Variants in CCDC178 observed in about 807,000 individuals in gnomAD.
CCDC178 encodes the protein coiled-coil domain containing 178, also known as coiled-coil domain-containing protein 178.
A neutral mutation model predicts 117.4 loss-of-function variants in CCDC178; 126 were observed. The ratio of observed to expected loss-of-function variants is 1.07; its 90% CI spans 0.93 to 1.24. CCDC178 has a LOEUF of 1.24. Among genes scored for constraint, CCDC178 ranks in the 50% most tolerant of loss-of-function variants. The probability of loss-of-function intolerance (pLI) is 0.00; values close to 1 mark genes in which losing one functional copy is unlikely to be tolerated. For synonymous variants in CCDC178, 283 were observed against 313.4 expected (o/e 0.90, Z 1.02); for missense variants, 1,030 against 986.9 (o/e 1.04, Z -0.59).
At chr18:33,247,583 C>T (rs1267834530) in intron 14 of CCDC178, among the ~76,000 whole-genome samples, 1 of 151,728 alleles carries the variant, frequency 6.6e-6, no homozygotes, top group African/African-American at 2.4e-5. Context: ...GGTGTGTGTG[C>T]AAGCACACAC....
intron 21 of CCDC178, among the ~76,000 whole-genome samples, chr18:33,046,784 G>A (rs2056650996): frequency 6.6e-6 from 1 of 152,132 alleles, no homozygotes; most frequent in East Asian, 1.9e-4. Flanking sequence ...AGGACCTGAT[G>A]TGAACCCCTA....
At chr18:33,295,776 T>TA (rs2062098824) in intron 11 of CCDC178, among the ~76,000 whole-genome samples, 1 of 152,048 alleles carries the variant, frequency 6.6e-6, no homozygotes, top group Non-Finnish European at 1.5e-5. Context: ...GAAATTTTTT[T>TA]AAAAAAATAG....
chr18:32,939,331 A>G (rs929270334), intron 22 of CCDC178, among the ~76,000 whole-genome samples: 5 of 152,112 alleles, frequency 3.3e-5, no homozygotes, highest in African/African-American at 1.2e-4. Context: ...TGAAAAAAAA[A>G]AGATTTTAAA....
At chr18:33,422,005 C>T (rs2064033322) in intron 2 of CCDC178, among the ~76,000 whole-genome samples, 1 of 152,204 alleles carries the variant, frequency 6.6e-6, no homozygotes, top group African/African-American at 2.4e-5. Flanking sequence ...CCAAAACCCA[C>T]AAAGCAAAGA....
intron 20 of CCDC178, among the ~76,000 whole-genome samples, chr18:33,209,138 G>C (rs900104540): frequency 1.3e-5 from 2 of 151,934 alleles, no homozygotes; most frequent in African/African-American, 4.8e-5. Context: ...GATGAATATG[G>C]TACACTGAAA....
chr18:33,305,102 T>A (rs1475389887), intron 11 of CCDC178, among the ~76,000 whole-genome samples: 2 of 152,158 alleles, frequency 1.3e-5, no homozygotes, highest in Non-Finnish European at 2.9e-5. Context: ...TGTTGAAGGA[T>A]TAGCTTTCTC....
chr18:33,405,436 A>G (rs754902334), intron 3 of CCDC178, among the ~76,000 whole-genome samples: 101 of 151,844 alleles, frequency 6.7e-4, no homozygotes, highest in Non-Finnish European at 1.2e-3. Flanking sequence ...AAAAACAAAA[A>G]ATAAAAAATC....
intron 12 of CCDC178, among the ~76,000 whole-genome samples, chr18:33,276,839 T>C (rs748837283): frequency 1.3e-5 from 2 of 152,124 alleles, no homozygotes; most frequent in African/African-American, 4.8e-5. Context: ...TACTGTATTA[T>C]AGATAATGAG....
At chr18:33,290,293 G>GACCAATTTTATAAACATATC (rs2060151199) in intron 12 of CCDC178, among the ~76,000 whole-genome samples, 1 of 152,048 alleles carries the variant, frequency 6.6e-6, no homozygotes, top group South Asian at 2.1e-4. Flanking sequence ...CTACCATATA[G>GACCAATTTTATAAACATATC]ACCAATTTTA....
chr18:33,227,656 A>G (rs1048013053), intron 15 of CCDC178, among the ~76,000 whole-genome samples: 1 of 151,312 alleles, frequency 6.6e-6, no homozygotes, highest in East Asian at 2.0e-4. Context: ...CCCTACTTCA[A>G]TACTGAATCC....
intron 21 of CCDC178, among the ~76,000 whole-genome samples, chr18:33,020,080 G>C (rs2056080139): frequency 6.6e-6 from 1 of 150,572 alleles, no homozygotes; most frequent in Admixed American, 6.6e-5. Context: ...CAAGTAGCTG[G>C]GATTATAGGT....
intron 20 of CCDC178, among the ~76,000 whole-genome samples, chr18:33,159,628 G>A (rs992357394): frequency 2.0e-5 from 3 of 152,028 alleles, no homozygotes. Flanking sequence ...TTTTGGGCCT[G>A]CTCAAATAGA....
rs759256261 is a variant in CCDC178, at chr18:33,333,360, T to TAATTCTATAAC, written c.682_692dup (p.Gln232LeufsTer2). On this transcript the variant is annotated stop_gained and frameshift_variant, in exon 10 of 23. Transcript: ENST00000383096. LOFTEE classifies it high-confidence loss of function. Reference sequence around the variant, plus strand: ...TAGCTTTATCTTCAAGATGCCATTGTAATTCTATAACATCACTCAAATAGG... The same window carrying TAATTCTATAAC: ...TAGCTTTATCTTCAAGATGCCATTGTAATTCTATAACAATTCTATAACATCACTCAAATAGG... 1 of 1,610,270 alleles carries TAATTCTATAAC rather than the reference T, an allele frequency of 6.2e-7. No individual in the cohort carries two copies. Among genetic ancestry groups the TAATTCTATAAC allele is most frequent in the Non-Finnish European group, 8.5e-7 (1 of 1,178,142 alleles).
At chr18:33,272,732 G>A (rs2059904888) in intron 12 of CCDC178, among the ~76,000 whole-genome samples, 1 of 151,504 alleles carries the variant, frequency 6.6e-6, no homozygotes, top group Admixed American at 6.6e-5. Context: ...TGCAAGGTTG[G>A]TTCTACATGT....
chr18:32,950,968 A>G (rs551103639), intron 22 of CCDC178, among the ~76,000 whole-genome samples: 9 of 152,112 alleles, frequency 5.9e-5, no homozygotes, highest in Admixed American at 2.6e-4. Flanking sequence ...CTAGCCCAGG[A>G]GTATCTTCTT....
intron 20 of CCDC178, among the ~76,000 whole-genome samples, chr18:33,112,314 T>C (rs903115355): frequency 2.0e-5 from 3 of 151,868 alleles, no homozygotes; most frequent in Non-Finnish European, 4.4e-5. Flanking sequence ...CAACATTCTC[T>C]GCCCAATTTT....
intron 20 of CCDC178, among the ~76,000 whole-genome samples, chr18:33,209,471 C>A (rs1200319370): frequency 6.6e-6 from 1 of 152,138 alleles, no homozygotes; most frequent in African/African-American, 2.4e-5. Context: ...CCAAAAGGAA[C>A]ACCTCAGATT....
intron 20 of CCDC178, among the ~76,000 whole-genome samples, chr18:33,183,514 T>G (rs2058754789): frequency 6.6e-6 from 1 of 152,006 alleles, no homozygotes; most frequent in Admixed American, 6.6e-5. Flanking sequence ...CTATAAAAAA[T>G]TGGCACGGTA....
At chr18:33,366,486 C>T (rs1022995009) in intron 6 of CCDC178, among the ~76,000 whole-genome samples, 1 of 151,932 alleles carries the variant, frequency 6.6e-6, no homozygotes, top group Admixed American at 6.6e-5. Flanking sequence ...TGACCTCTAA[C>T]ATTAAAACCC....
Sources: allele counts gnomAD v4.1 joint callset (sites outside exome capture counted in the v4.1 genomes callset), GRCh38; gene constraint gnomAD v4.1.1; transcripts MANE v1.5; gene names NCBI Gene and HGNC (gene_info 2026-07-23, HGNC 2026-07-21).